The following EIF2S3B variants were observed in gnomAD, a reference collection of about 807,000 sequenced individuals.
EIF2S3B encodes eukaryotic translation initiation factor 2 subunit 3B.
In EIF2S3B, 16 loss-of-function variants were observed where a neutral mutation model predicts 26.4. The ratio of observed to expected loss-of-function variants is 0.61; its 90% confidence interval spans 0.41 to 0.92. The LOEUF is 0.92. Ranked by LOEUF, EIF2S3B falls within the 40% of genes least tolerant of loss-of-function variation. EIF2S3B has a pLI of 0.00. For missense variants in EIF2S3B, 510 were observed against 575.5 expected (o/e 0.89, Z 1.16); for synonymous variants, 183 against 204.4 (o/e 0.90, Z 0.89).
intron 1 of EIF2S3B, chr12:10,522,504 A>T (rs1175847933): frequency 3.7e-6 from 2 of 546,258 alleles, no homozygotes; most frequent in Middle Eastern, 2.7e-4. Context: ...AGAATTAATT[A>T]TCTAGAAAAA....
chr12:10,508,848 G>A (rs139848841), downstream of EIF2S3B, among the ~76,000 whole-genome samples: 15 of 152,052 alleles, frequency 9.9e-5, no homozygotes, highest in South Asian at 2.1e-4. Context: ...AAAAACTTGC[G>A]TGTACATATG....
intron 1 of EIF2S3B, among the ~76,000 whole-genome samples, chr12:10,515,713 C>G (rs1346490682): frequency 6.6e-6 from 1 of 151,712 alleles, no homozygotes; most frequent in East Asian, 1.9e-4. Flanking sequence ...AAAGATTCTC[C>G]CAACTCACTG....
At chr12:10,522,942 C>A in exon 2 of EIF2S3B, 1 of 275,840 alleles carries the variant, frequency 3.6e-6, no homozygotes. Flanking sequence ...AATACACAAA[C>A]AAATAAAATT....
intron 1 of EIF2S3B, among the ~76,000 whole-genome samples, chr12:10,513,826 C>T (rs1268480480): frequency 2.6e-5 from 4 of 152,060 alleles, no homozygotes. Flanking sequence ...ACCAGCCTGA[C>T]CAACATGGTG....
downstream of EIF2S3B, among the ~76,000 whole-genome samples, chr12:10,509,735 A>C (rs1294166140): frequency 6.6e-6 from 1 of 152,034 alleles, no homozygotes; most frequent in Admixed American, 6.5e-5. Flanking sequence ...AAAAATCTTA[A>C]TCAGATAAAT....
exon 2 of EIF2S3B, chr12:10,522,752 C>G: frequency 1.5e-6 from 1 of 653,108 alleles, no homozygotes; most frequent in African/African-American, 1.8e-5. Context: ...CCCCTTTCTG[C>G]TCTGGAGATT....
chr12:10,509,952 A>G (rs1463290186), downstream of EIF2S3B, among the ~76,000 whole-genome samples: 3 of 151,990 alleles, frequency 2.0e-5, no homozygotes, highest in Non-Finnish European at 4.4e-5. Flanking sequence ...ATTTTTTTCC[A>G]TGGACATGAC....
In EIF2S3B at chr12:10,506,516, A is replaced by G; in HGVS notation, c.614A>G (p.Glu205Gly). Residue 205 changes from glutamate (E) to glycine (G), a missense_variant, in exon 1 of 1, where the codon GAG becomes GGG. Glu to Gly is a moderately conservative substitution (Grantham distance 98). Transcript: ENST00000538173. ...VKERQAKEQY[E>G]QILAFVQGTV... is the part of the protein sequence containing the mutation. ...GAAAGGCAGGCTAAAGAACAATACG[A>G]GCAGATCCTTGCGTTTGTCCAAGGT... The G allele has an allele frequency of 6.3e-7, 1 of 1,597,884 alleles. No homozygotes were observed. The highest frequency in any genetic ancestry group is 8.6e-7 in the Non-Finnish European group (1 of 1,165,160).
Position 10,506,366 on chromosome 12 carries a change from C to T in EIF2S3B, c.464C>T (p.Ala155Val). Reference protein sequence around the residue: ...MLNGAAVMDAALLLIAGNESC... With the variant: ...MLNGAAVMDAVLLLIAGNESC... Reference sequence around the variant, plus strand: ...AACGGTGCAGCAGTGATGGATGCAGCTCTTCTGTTGATAGCTGGTAATGAA... The same window carrying T: ...AACGGTGCAGCAGTGATGGATGCAGTTCTTCTGTTGATAGCTGGTAATGAA... The change falls in exon 1 of 1, where the codon GCT (alanine) becomes GTT (valine). Residue 155 changes from alanine (A) to valine (V), a missense_variant. Ala to Val is a moderately conservative substitution (Grantham distance 64). Coordinates refer to ENST00000538173, the MANE Select transcript of EIF2S3B (RefSeq NM_001357734.3). 1 of 1,614,142 alleles carries T rather than the reference C, an allele frequency of 6.2e-7. No individual in the cohort carries two copies.
downstream of EIF2S3B, among the ~76,000 whole-genome samples, chr12:10,512,368 T>C (rs1293977518): frequency 6.6e-6 from 1 of 152,168 alleles, no homozygotes; most frequent in Non-Finnish European, 1.5e-5. Context: ...ACTGTACAGA[T>C]GCAGATTAAT....
In EIF2S3B at chr12:10,507,625, T is replaced by A; in HGVS notation, c.*304T>A. On this transcript the variant is annotated 3_prime_UTR_variant, in exon 1 of 1. Transcript: ENST00000538173. Reference sequence around the variant, plus strand: ...TGTTTGTTTTATTTTGTTTTGTTTTTGAGTCTGGCTTTGTCACCTAGGCTG... The same window carrying A: ...TGTTTGTTTTATTTTGTTTTGTTTTAGAGTCTGGCTTTGTCACCTAGGCTG... 1 of 491,170 alleles carries A rather than the reference T, an allele frequency of 2.0e-6. No individual in the cohort carries two copies. The highest frequency in any genetic ancestry group is 3.6e-6 in the Non-Finnish European group (1 of 275,992). 30.4% of individuals were successfully genotyped at this position (491,170 alleles called of 1,614,324 possible). A position where few individuals can be genotyped will look rare whatever the true frequency, so the allele number is the denominator to read the frequency against.
At chr12:10,515,719 C>T (rs1321216264) in intron 1 of EIF2S3B, among the ~76,000 whole-genome samples, 3 of 151,830 alleles carry the variant, frequency 2.0e-5, no homozygotes, top group Non-Finnish European at 4.4e-5. Flanking sequence ...TCTCCCAACT[C>T]ACTGGTCATA....
At chr12:10,508,546 A>G (rs1420162048), downstream of EIF2S3B, among the ~76,000 whole-genome samples, 1 of 149,592 alleles carries the variant, frequency 6.7e-6, no homozygotes, top group East Asian at 1.9e-4. Flanking sequence ...AAAAAAAAAA[A>G]AAAGAAAATA....
chr12:10,510,553 A>G (rs1256281898), downstream of EIF2S3B, among the ~76,000 whole-genome samples: 7 of 152,192 alleles, frequency 4.6e-5, no homozygotes, highest in Non-Finnish European at 1.0e-4. Context: ...TCTTGAAAAC[A>G]AAAACAACCA....
intron 1 of EIF2S3B, among the ~76,000 whole-genome samples, chr12:10,520,688 G>A (rs561932439): frequency 9.9e-4 from 151 of 152,136 alleles, no homozygotes; most frequent in African/African-American, 3.4e-3. Context: ...ATTTTGAAAA[G>A]GGGAATTTTG....
At chr12:10,508,542 A>G (rs913756503), downstream of EIF2S3B, among the ~76,000 whole-genome samples, 250 of 150,462 alleles carry the variant, frequency 1.7e-3, 1 homozygote, top group Non-Finnish European at 2.9e-3. Flanking sequence ...AAAAAAAAAA[A>G]AAAAAAAGAA....
At chr12:10,510,506 G>T (rs1005362848), downstream of EIF2S3B, among the ~76,000 whole-genome samples, 2 of 152,034 alleles carry the variant, frequency 1.3e-5, no homozygotes, top group African/African-American at 2.4e-5. Context: ...TTTCTCCATA[G>T]CAGGACAATT....
At chr12:10,513,587 C>T (rs60319266) in intron 1 of EIF2S3B, among the ~76,000 whole-genome samples, 4,698 of 152,250 alleles carry the variant, frequency 0.031, 216 homozygotes, top group African/African-American at 0.1. Context: ...TGTAAATTTG[C>T]ATTGTTGTAC....
downstream of EIF2S3B, among the ~76,000 whole-genome samples, chr12:10,510,266 C>T (rs1360093509): frequency 1.3e-5 from 2 of 152,088 alleles, no homozygotes; most frequent in East Asian, 1.9e-4. Context: ...AAATGTGCAC[C>T]AGTACTAAAG....
Sources: allele counts gnomAD v4.1 joint callset (sites outside exome capture counted in the v4.1 genomes callset), GRCh38; gene constraint gnomAD v4.1.1; transcripts MANE v1.5; gene names NCBI Gene and HGNC (gene_info 2026-07-23, HGNC 2026-07-21).